Variants in PCDH11X observed in about 807,000 individuals in gnomAD.
PCDH11X encodes protocadherin-11 X-linked.
PCDH11X carries 18 observed loss-of-function variants against 53.3 expected under a neutral mutation model. That is an observed-to-expected ratio of 0.34 (90% CI 0.23 to 0.50). PCDH11X has a LOEUF of 0.50. Among genes scored for constraint, PCDH11X ranks in the 20% least tolerant of loss-of-function variants. The pLI is 0.98. For synonymous variants in PCDH11X, 279 were observed against 393.3 expected, an observed-to-expected ratio of 0.71 and a Z score of 3.44; for missense variants, 570 against 1,032.4, an observed-to-expected ratio of 0.55 and a Z score of 6.14.
chrX:91,966,729 C>T (rs184059275), intron 6 of PCDH11X, among the ~76,000 whole-genome samples: 64 of 111,060 alleles, frequency 5.8e-4, no homozygotes, highest in African/African-American at 1.7e-3. Context: ...GGTATTTTAA[C>T]GGGCACGTAT....
At chrX:91,939,104 A>G (rs1783067374) in intron 6 of PCDH11X, among the ~76,000 whole-genome samples, 1 of 110,949 alleles carries the variant, frequency 9.0e-6, no homozygotes, top group Non-Finnish European at 1.9e-5. Context: ...ATGTTATTGT[A>G]ATTGTGTTTT....
rs952037139 is a variant in PCDH11X, at chrX:92,622,760, C to T, written c.*3820C>T. ...GCAGAGGCCTTAAAATATTCTTTCA[C>T]AGTAGCTTTCTTACACTAACCGTCA... On this transcript the variant is annotated 3_prime_UTR_variant, in exon 11 of 11. Transcript: ENST00000682573. 3.1e-4 allele frequency: 34 copies of T among 109,458 alleles called. No individual in the cohort carries two copies. Among genetic ancestry groups the T allele is most frequent in the African/African-American group, 1.1e-3 (33 of 30,304 alleles). The allele number at this position is 109,458 out of a possible 1,213,427, so 9.0% of individuals were successfully genotyped here. A position where few individuals can be genotyped will look rare whatever the true frequency, so the allele number is the denominator to read the frequency against.
At chrX:91,909,817 T>C (rs1034947556) in intron 6 of PCDH11X, among the ~76,000 whole-genome samples, 1 of 111,757 alleles carries the variant, frequency 8.9e-6, no homozygotes, top group African/African-American at 3.2e-5. Flanking sequence ...CAAAATTATA[T>C]TCAAGTTGTA....
chrX:91,852,232 C>T (rs1319209216), intron 5 of PCDH11X, among the ~76,000 whole-genome samples: 1 of 108,954 alleles, frequency 9.2e-6, no homozygotes, highest in Non-Finnish European at 1.9e-5. Context: ...CCAGGCTGGT[C>T]TAGAACTTCT....
At chrX:92,554,418 A>T (rs943117095) in intron 10 of PCDH11X, among the ~76,000 whole-genome samples, 4 of 108,766 alleles carry the variant, frequency 3.7e-5, no homozygotes, top group African/African-American at 1.3e-4. Context: ...ATTTTTAAAA[A>T]TTTTATGGGT....
At chrX:92,463,679 A>G (rs2073098838) in intron 9 of PCDH11X, among the ~76,000 whole-genome samples, 1 of 111,529 alleles carries the variant, frequency 9.0e-6, no homozygotes, top group Non-Finnish European at 1.9e-5. Context: ...ATAAAATTTA[A>G]GTTGTAACTC....
intron 10 of PCDH11X, among the ~76,000 whole-genome samples, chrX:92,573,100 C>T (rs1320443690): frequency 1.8e-5 from 2 of 111,060 alleles, no homozygotes; most frequent in Non-Finnish European, 3.8e-5. Flanking sequence ...TACTATCCCA[C>T]AAGAGCAAAT....
At chrX:92,313,095 C>A (rs12847030) in intron 8 of PCDH11X, among the ~76,000 whole-genome samples, 1 of 111,752 alleles carries the variant, frequency 8.9e-6, no homozygotes. Context: ...TAGTCCTAAT[C>A]TGAGAAGAGC....
intron 7 of PCDH11X, among the ~76,000 whole-genome samples, chrX:92,256,068 G>A (rs745718806): frequency 3.3e-4 from 37 of 112,255 alleles, no homozygotes; most frequent in Non-Finnish European, 5.5e-4. Flanking sequence ...TCAGACTGCT[G>A]TGCTAGCAAT....
intron 9 of PCDH11X, among the ~76,000 whole-genome samples, chrX:92,439,101 C>A (rs1466753813): frequency 1.8e-5 from 2 of 108,914 alleles, no homozygotes; most frequent in African/African-American, 6.8e-5. Context: ...TCAGACTATG[C>A]ATAAATATGT....
chrX:91,829,063 G>T (rs1937021161), intron 4 of PCDH11X, among the ~76,000 whole-genome samples: 1 of 110,566 alleles, frequency 9.0e-6, no homozygotes, highest in African/African-American at 3.3e-5. Flanking sequence ...GTATATAGGG[G>T]AGTAATCTGA....
intron 6 of PCDH11X, among the ~76,000 whole-genome samples, chrX:91,888,975 C>G (rs1050226077): frequency 2.7e-5 from 3 of 111,996 alleles, no homozygotes; most frequent in African/African-American, 9.7e-5. Flanking sequence ...TGATCATAAA[C>G]AACTGTTACG....
At chrX:92,031,884 A>G (rs1427893005) in intron 6 of PCDH11X, among the ~76,000 whole-genome samples, 5 of 111,828 alleles carry the variant, frequency 4.5e-5, no homozygotes, top group African/African-American at 1.6e-4. Flanking sequence ...TTGTTACTAT[A>G]GCTCTGTAGT....
intron 7 of PCDH11X, among the ~76,000 whole-genome samples, chrX:92,241,822 C>T: frequency 9.0e-6 from 1 of 111,689 alleles, no homozygotes. Flanking sequence ...AAGGATAAAA[C>T]AAAGAGATCT....
intron 7 of PCDH11X, among the ~76,000 whole-genome samples, chrX:92,255,487 G>A (rs372302773): frequency 1.6e-4 from 18 of 109,456 alleles, no homozygotes; most frequent in South Asian, 1.2e-3. Flanking sequence ...CTGGTGAGGA[G>A]CTGCGTTCCT....
rs997021593 is a variant in PCDH11X at position 91,811,178 on chromosome X, A to G, written c.-103-59A>G. On this transcript the variant is annotated intron_variant, in intron 3 of 10. Coordinates refer to ENST00000682573, the MANE Select transcript of PCDH11X (RefSeq NM_032968.5). ...TTCATTTAAGTTTAAACTGATTACA[A>G]TGTACTGGAGGCAAAGACCTTTTTC... 44 of 1,048,121 alleles carry G rather than the reference A, an allele frequency of 4.2e-5. No homozygotes were observed. The African/African-American group carries it at 6.6e-4, about 16-fold the overall frequency. 86.4% of individuals were successfully genotyped at this position (1,048,121 alleles called of 1,213,427 possible).
chrX:92,084,713 G>T (rs2063922253), intron 6 of PCDH11X, among the ~76,000 whole-genome samples: 1 of 111,248 alleles, frequency 9.0e-6, no homozygotes, highest in Admixed American at 9.6e-5. Context: ...ACAAGCACTT[G>T]GTTGGACTAC....
At chrX:91,902,460 A>G (rs1267676602) in intron 6 of PCDH11X, among the ~76,000 whole-genome samples, 1 of 99,822 alleles carries the variant, frequency 1.0e-5, no homozygotes, top group African/African-American at 3.7e-5. Context: ...TGGTAATTCC[A>G]TTTCTTTTTC....
intron 10 of PCDH11X, among the ~76,000 whole-genome samples, chrX:92,515,046 CAA>C (rs1262977280): frequency 9.9e-4 from 50 of 50,728 alleles, no homozygotes; most frequent in African/African-American, 1.6e-3. Flanking sequence ...GATTCCACCT[CAA>C]AAAAAAAAAA....
Sources: gnomAD v4.1 joint callset for allele counts (sites outside exome capture counted in the v4.1 genomes callset) on GRCh38, gnomAD v4.1.1 for gene constraint, MANE v1.5 for transcripts, NCBI Gene and HGNC (gene_info 2026-07-23, HGNC 2026-07-21) for gene names.